Variants in MIPOL1 observed in about 807,000 individuals in gnomAD.
MIPOL1 encodes the protein mirror-image polydactyly gene 1 protein.
MIPOL1 carries 57 observed loss-of-function variants against 60.9 expected under a neutral mutation model. The observed-to-expected ratio is 0.94, with a 90% CI of 0.76 to 1.17. MIPOL1 has a LOEUF of 1.17. Among genes scored for constraint, MIPOL1 ranks in the 50% most tolerant of loss-of-function variants. MIPOL1 has a pLI of 0.00. For synonymous variants in MIPOL1, 179 were observed against 168.8 expected, an observed-to-expected ratio of 1.06 and a Z score of -0.47; for missense variants, 551 against 511.6, an observed-to-expected ratio of 1.08 and a Z score of -0.74.
chr14:37,217,583 T>C (rs1567025852), intron 1 of MIPOL1, among the ~76,000 whole-genome samples: 1 of 152,162 alleles, frequency 6.6e-6, no homozygotes, highest in Non-Finnish European at 1.5e-5. Flanking sequence ...CAGTGATGGC[T>C]CAACATACAC....
At chr14:37,434,803 G>A (rs1401000577) in intron 11 of MIPOL1, among the ~76,000 whole-genome samples, 1 of 150,352 alleles carries the variant, frequency 6.7e-6, no homozygotes, top group Non-Finnish European at 1.5e-5. Context: ...AATTATAGAG[G>A]CCGTCTGTTG....
intron 11 of MIPOL1, among the ~76,000 whole-genome samples, chr14:37,430,514 A>T (rs200482054): frequency 0.11 from 1,903 of 17,438 alleles, 24 homozygotes; most frequent in Admixed American, 0.27. Flanking sequence ...TTTTTTTTTA[A>T]AAAAAAGTAT....
At chr14:37,452,789 C>T (rs550188949) in intron 11 of MIPOL1, among the ~76,000 whole-genome samples, 1 of 152,296 alleles carries the variant, frequency 6.6e-6, no homozygotes, top group South Asian at 2.1e-4. Context: ...AGTTTTGCAG[C>T]TCCCATTAAC....
chr14:37,254,793 G>A (rs185973976), intron 3 of MIPOL1, among the ~76,000 whole-genome samples: 3 of 151,716 alleles, frequency 2.0e-5, no homozygotes, highest in African/African-American at 7.2e-5. Flanking sequence ...ACAAATGATC[G>A]TTTCTAGGAA....
chr14:37,407,572 C>T (rs1300752658), intron 10 of MIPOL1, among the ~76,000 whole-genome samples: 1 of 152,072 alleles, frequency 6.6e-6, no homozygotes, highest in Admixed American at 6.6e-5. Flanking sequence ...TTATAACACA[C>T]ACCACTCAAC....
At chr14:37,514,821 A>T (rs531617712) in intron 12 of MIPOL1, among the ~76,000 whole-genome samples, 1 of 152,158 alleles carries the variant, frequency 6.6e-6, no homozygotes, top group African/African-American at 2.4e-5. Flanking sequence ...GGGTTTCTCC[A>T]TGTTGGTCAG....
At chr14:37,220,972 G>A (rs1968650360) in intron 1 of MIPOL1, among the ~76,000 whole-genome samples, 1 of 151,986 alleles carries the variant, frequency 6.6e-6, no homozygotes, top group African/African-American at 2.4e-5. Context: ...TCATAGAGAT[G>A]GGGTCTTGCT....
intron 3 of MIPOL1, among the ~76,000 whole-genome samples, chr14:37,259,390 C>T (rs1041694660): frequency 4.6e-5 from 7 of 151,786 alleles, no homozygotes; most frequent in East Asian, 3.9e-4. Flanking sequence ...ATAGGGGAGA[C>T]CTTGTCTCTA....
chr14:37,267,429 A>T (rs906531357), intron 4 of MIPOL1, among the ~76,000 whole-genome samples: 1 of 152,042 alleles, frequency 6.6e-6, no homozygotes, highest in Admixed American at 6.6e-5. Flanking sequence ...CGGAGGTTGC[A>T]GTGAGCTGAG....
At chr14:37,247,947 T>C (rs758204842) in intron 3 of MIPOL1, 40 bp downstream of exon 3, 10 of 1,607,126 alleles carry the variant, frequency 6.2e-6, no homozygotes, top group Admixed American at 1.7e-5. Flanking sequence ...CCCCAGGTGT[T>C]GTTCTAGTTC....
At chr14:37,498,748 T>C (rs370526764) in intron 11 of MIPOL1, among the ~76,000 whole-genome samples, 10 of 152,278 alleles carry the variant, frequency 6.6e-5, no homozygotes, top group African/African-American at 2.4e-4. Flanking sequence ...AGTGGTTTCA[T>C]TTGGTATGCT....
intron 11 of MIPOL1, among the ~76,000 whole-genome samples, chr14:37,433,224 T>C (rs929265135): frequency 6.7e-6 from 1 of 148,226 alleles, no homozygotes. Context: ...CCATGCCTAA[T>C]TTTTTTTTTT....
intron 12 of MIPOL1, among the ~76,000 whole-genome samples, chr14:37,542,134 A>G (rs1263548418): frequency 6.6e-6 from 1 of 152,192 alleles, no homozygotes; most frequent in Non-Finnish European, 1.5e-5. Flanking sequence ...ACTTCCTGCC[A>G]AATCAAATGG....
intron 6 of MIPOL1, among the ~76,000 whole-genome samples, chr14:37,282,530 A>G (rs2084199411): frequency 6.6e-6 from 1 of 151,978 alleles, no homozygotes; most frequent in Non-Finnish European, 1.5e-5. Flanking sequence ...ACTTGAGCCC[A>G]GGAGTACGAG....
Position 37,500,209 on chromosome 14 carries a change from A to G in MIPOL1, c.1262+71A>G, listed in dbSNP as rs186422196. ...AACAAAACACTTTCTTTTGGGAACT[A>G]AACAATATGTAGTTATTGATCATGT... is the stretch of plus-strand genomic sequence containing the variant. On this transcript the variant is annotated intron_variant, in intron 12 of 12. Transcript: ENST00000684589. The G allele has an allele frequency of 4.9e-6, 5 of 1,029,992 alleles. No individual in the cohort carries two copies. The Admixed American group carries it at 1.3e-4, about 26-fold the overall frequency. The allele number at this position is 1,029,992 out of a possible 1,614,324, so 63.8% of individuals were successfully genotyped here.
chr14:37,338,229 C>G (rs1302605073), intron 9 of MIPOL1, among the ~76,000 whole-genome samples: 1 of 151,542 alleles, frequency 6.6e-6, no homozygotes, highest in Non-Finnish European at 1.5e-5. Context: ...GCCTCAGCCT[C>G]CTGAGTAGCT....
chr14:37,215,730 GC>G (rs766193899), intron 1 of MIPOL1, among the ~76,000 whole-genome samples: 30 of 152,102 alleles, frequency 2.0e-4, no homozygotes, highest in Non-Finnish European at 5.9e-5. Flanking sequence ...TTAATCTGTT[GC>G]CTACAAGAAA....
At chr14:37,421,584 C>CT (rs1372426234) in intron 10 of MIPOL1, among the ~76,000 whole-genome samples, 1 of 152,002 alleles carries the variant, frequency 6.6e-6, no homozygotes, top group African/African-American at 2.4e-5. Context: ...TGTTTTATCT[C>CT]TAATTATGGA....
chr14:37,353,551 T>A (rs1432539704), intron 9 of MIPOL1, among the ~76,000 whole-genome samples: 5 of 152,048 alleles, frequency 3.3e-5, no homozygotes, highest in Non-Finnish European at 5.9e-5. Flanking sequence ...TCTTTTTAGT[T>A]GGTAAGCTAT....
Sources: gnomAD v4.1 joint callset for allele counts (sites outside exome capture counted in the v4.1 genomes callset) on GRCh38, gnomAD v4.1.1 for gene constraint, MANE v1.5 for transcripts, NCBI Gene and HGNC (gene_info 2026-07-23, HGNC 2026-07-21) for gene names.